MTOR: variants seen among roughly 807,000 people sequenced by gnomAD.
The protein encoded by MTOR is mechanistic target of rapamycin kinase.
A neutral mutation model predicts 319.8 loss-of-function variants in MTOR; 70 were observed. The ratio of observed to expected loss-of-function variants is 0.22; its 90% CI spans 0.18 to 0.27. The LOEUF (loss-of-function observed/expected upper bound fraction) is 0.27, where lower values mean the gene tolerates loss of function less well. MTOR is among the 10% of genes least tolerant of loss of function. MTOR has a pLI of 1.00. For synonymous variants in MTOR, 1,183 were observed against 1,211.4 expected (o/e 0.98, Z 0.49); for missense variants, 1,890 against 3,274.4 (o/e 0.58, Z 10.32).
In MTOR at chr1:11,139,648, C is replaced by T. The variant is rs777925640; in HGVS notation, c.4883G>A (p.Arg1628His). The T allele has an allele frequency of 1.2e-6, 2 of 1,614,194 alleles. No individual in the cohort carries two copies. The highest frequency in any genetic ancestry group is 1.7e-5 in the Admixed American group (1 of 60,022). ...GATTTTCTGCCAGTCCTCTACGATA[C>T]GCTGGCAGCCCTGGAACATTCAGAA... is the stretch of plus-strand genomic sequence containing the variant. The part of the protein sequence containing the change: ...IWWERLQGCQ[R>H]IVEDWQKILM... Residue 1628 changes from arginine to histidine, a missense_variant, in exon 35 of 58, where the codon CGT becomes CAT. Arg to His is a conservative substitution (Grantham distance 29, BLOSUM62 0). Around this residue, in one of 15 missense-constraint regions of MTOR, gnomAD observed 276 missense variants for 459.4 expected, o/e 0.60. Coordinates refer to ENST00000361445, the MANE Select transcript of MTOR (RefSeq NM_004958.4).
intron 36 of MTOR, among the ~76,000 whole-genome samples, chr1:11,134,866 G>C (rs1643329749): frequency 6.6e-6 from 1 of 152,204 alleles, no homozygotes; most frequent in Admixed American, 6.5e-5. Context: ...TTTGGTATTT[G>C]TTTACAACAC....
At chr1:11,240,191 T>C (rs951215964) in intron 11 of MTOR, 112 bp downstream of exon 11, 19 of 1,387,484 alleles carry the variant, frequency 1.4e-5, no homozygotes, top group Non-Finnish European at 1.8e-5. Flanking sequence ...CAGAATCAGC[T>C]ACCCTGTCTT....
chr1:11,106,567 CA>C lies in MTOR; in HGVS notation c.*917del. The C allele has an allele frequency of 2.8e-6, 3 of 1,071,470 alleles. No homozygotes were observed. The highest frequency in any genetic ancestry group is 3.4e-6 in the Non-Finnish European group (3 of 882,262). 66.4% of individuals were successfully genotyped at this position (1,071,470 alleles called of 1,614,324 possible). A position where few individuals can be genotyped will look rare whatever the true frequency, so the allele number is the denominator to read the frequency against. On this transcript the variant is annotated 3_prime_UTR_variant, in exon 58 of 58. Coordinates refer to ENST00000361445, the MANE Select transcript of MTOR (RefSeq NM_004958.4). ...AAAATTCTGATGTCATTTATTGGCA[CA>C]AAAATTATTCTGATACAACATGGTG... is the stretch of plus-strand genomic sequence containing the variant.
chr1:11,241,451 A>G, intron 10 of MTOR, 102 bp downstream of exon 10: 1 of 1,405,492 alleles, frequency 7.1e-7, no homozygotes, highest in Non-Finnish European at 9.5e-7. Context: ...CTGTCCATCC[A>G]GTTGAATGTG....
rs2092642 is a variant in MTOR at position 11,257,263 on chromosome 1, C to T, written c.272-98G>A. 710,623 of 1,059,692 alleles carry T rather than the reference C, an allele frequency of 0.67. 247,422 individuals carry two copies. The highest frequency in any genetic ancestry group is 0.8 in the East Asian group (30,438 of 38,276). The allele number at this position is 1,059,692 out of a possible 1,614,324, so 65.6% of individuals were successfully genotyped here. A position where few individuals can be genotyped will look rare whatever the true frequency, so the allele number is the denominator to read the frequency against. On this transcript the variant is annotated intron_variant, in intron 3 of 57. Coordinates refer to ENST00000361445, the MANE Select transcript of MTOR (RefSeq NM_004958.4). ...AAAGCTGGTGAGTGCCGGCCAGGCA[C>T]GGTGGCTCAAGTCTGTAATCCTAGC...
chr1:11,243,014 T>C (rs1200192022), intron 9 of MTOR, 100 bp downstream of exon 9: 39 of 1,297,022 alleles, frequency 3.0e-5, no homozygotes, highest in Non-Finnish European at 3.0e-5. Context: ...TGGAGTTTAA[T>C]GATGCAAAAA....
At chr1:11,177,394 CAA>C (rs141506164) in intron 28 of MTOR, among the ~76,000 whole-genome samples, 8,969 of 152,076 alleles carry the variant, frequency 0.059, 369 homozygotes, top group South Asian at 0.12. Flanking sequence ...TTCGAATCTA[CAA>C]AAAATTTAAA....
At chr1:11,114,767 T>G (rs1229890250) in intron 52 of MTOR, 46 bp downstream of exon 52, 2 of 1,575,494 alleles carry the variant, frequency 1.3e-6, no homozygotes, top group Non-Finnish European at 1.7e-6. Flanking sequence ...AGGCTGTAAC[T>G]GTCCTGATCC....
At chr1:11,136,576 T>G (rs771375641) in intron 36 of MTOR, among the ~76,000 whole-genome samples, 13 of 152,214 alleles carry the variant, frequency 8.5e-5, no homozygotes, top group Non-Finnish European at 1.9e-4. Flanking sequence ...GATAGCTCCC[T>G]GCAGACTTGA....
chr1:11,167,136 C>G lies in MTOR; in HGVS notation c.4329+306G>C, dbSNP rs537861468. 9.8e-4 allele frequency among the ~76,000 whole-genome samples: 149 copies of G among 152,048 alleles called. 1 individual carries two copies. Among genetic ancestry groups the G allele is most frequent in the South Asian group, 5.2e-3 (25 of 4,818 alleles). On this transcript the variant is annotated intron_variant, in intron 29 of 57. Transcript: ENST00000361445. ...GGGAGGGATAGCATTAGGAGATATT[C>G]CTAATGTAAATGACGAGTTAATGGG...
At chr1:11,156,279 T>G (rs918110495) in intron 30 of MTOR, among the ~76,000 whole-genome samples, 2 of 152,236 alleles carry the variant, frequency 1.3e-5, no homozygotes, top group East Asian at 3.8e-4. Context: ...TGTGAGCCAC[T>G]GTGCCCGGCC....
chr1:11,168,114 G>A (rs996018259), intron 28 of MTOR, among the ~76,000 whole-genome samples: 4 of 151,294 alleles, frequency 2.6e-5, no homozygotes, highest in East Asian at 3.9e-4. Flanking sequence ...CTCAGACGCC[G>A]GCAGGCAGGC....
At chr1:11,155,458 A>G (rs1013586728) in intron 30 of MTOR, among the ~76,000 whole-genome samples, 2 of 152,200 alleles carry the variant, frequency 1.3e-5, no homozygotes, top group African/African-American at 2.4e-5. Flanking sequence ...TATGCCCTGA[A>G]GCAGGTCATA....
At chr1:11,255,359 G>A (rs1371564903) in intron 5 of MTOR, among the ~76,000 whole-genome samples, 3 of 127,342 alleles carry the variant, frequency 2.4e-5, no homozygotes, top group African/African-American at 1.0e-4. Flanking sequence ...CTCCAGCTTG[G>A]TGACAGAACA....
intron 33 of MTOR, 46 bp from the exon 34 acceptor site, chr1:11,144,801 T>C (rs1251743666): frequency 5.7e-6 from 9 of 1,576,686 alleles, no homozygotes; most frequent in Non-Finnish European, 7.8e-6. Flanking sequence ...GCACGAACAA[T>C]CCAAAAGACA....
intron 56 of MTOR, among the ~76,000 whole-genome samples, chr1:11,108,597 C>CA (rs1247150240): frequency 2.0e-5 from 3 of 151,440 alleles, no homozygotes; most frequent in South Asian, 2.1e-4. Context: ...CCTGTAGTCC[C>CA]AGCTACTTGG....
Position 11,121,280 on chromosome 1 carries a change from G to A in MTOR, c.6899C>T (p.Ala2300Val). The change falls in exon 49 of 58, where the codon GCC becomes GTC. Residue 2300 changes from alanine (A) to valine (V), a missense_variant. By Grantham distance (64) the Ala-to-Val change is moderately conservative. Transcript: ENST00000361445. This position sits in a 1 kb window ranked among gnomAD's most constrained non-coding sequence, Gnocchi z 4.9. ...GGGGCTTTTCAGCCACAGCAGCTTG[G>A]CCAGGTCGTCCCCAGCTGTATTATT... Reference protein sequence around the residue: ...AVNNTAGDDLAKLLWLKSPSS... With the variant: ...AVNNTAGDDLVKLLWLKSPSS... 1 of 1,613,888 alleles carries A rather than the reference G, an allele frequency of 6.2e-7. No homozygotes were observed. Among genetic ancestry groups the A allele is most frequent in the Non-Finnish European group, 8.5e-7 (1 of 1,180,030 alleles).
chr1:11,191,071 AG>A (rs1343334294), intron 28 of MTOR, among the ~76,000 whole-genome samples: 1 of 152,222 alleles, frequency 6.6e-6, no homozygotes, highest in Non-Finnish European at 1.5e-5. Flanking sequence ...AGATGAAACC[AG>A]ACATGCGGAA....
intron 28 of MTOR, among the ~76,000 whole-genome samples, chr1:11,198,381 T>TTAAA (rs917822299): frequency 1.3e-5 from 2 of 152,226 alleles, no homozygotes; most frequent in African/African-American, 4.8e-5. Flanking sequence ...AGGAACTCTT[T>TTAAA]TAAATATCTT....
Sources: gnomAD v4.1 joint callset for allele counts (sites outside exome capture counted in the v4.1 genomes callset) on GRCh38, gnomAD v4.1.1 for gene constraint, gnomAD v4.1.1 regional missense constraint, Gnocchi (gnomAD v3.1) non-coding constraint, MANE v1.5 for transcripts, NCBI Gene and HGNC (gene_info 2026-07-23, HGNC 2026-07-21) for gene names.